The following PINX1 variants were observed in gnomAD, a reference collection of about 807,000 sequenced individuals.
The protein encoded by PINX1 is PIN2 (TERF1) interacting telomerase inhibitor 1, also known as PIN2/TERF1-interacting telomerase inhibitor 1.
In PINX1, 34 loss-of-function variants were observed where a neutral mutation model predicts 25.4. The observed-to-expected ratio is 1.34, with a 90% CI of 1.02 to 1.78. The LOEUF is 1.78. PINX1 is among the 40% of genes most tolerant of loss of function. The pLI is 0.00. For missense variants in PINX1, 592 were observed against 404.9 expected (o/e 1.46, Z -3.97); for synonymous variants, 197 against 147.7 (o/e 1.33, Z -2.42).
At chr8:10,826,927 G>A (rs1450260468) in intron 4 of PINX1, among the ~76,000 whole-genome samples, 1 of 152,216 alleles carries the variant, frequency 6.6e-6, no homozygotes, top group Non-Finnish European at 1.5e-5. Flanking sequence ...CATTGTGGTT[G>A]CTGCATGAAT....
chr8:10,800,869 C>A (rs913638270), intron 6 of PINX1, among the ~76,000 whole-genome samples: 1 of 152,196 alleles, frequency 6.6e-6, no homozygotes, highest in Non-Finnish European at 1.5e-5. Flanking sequence ...ACCACTTGAT[C>A]CAGGCGCTCA....
intron 6 of PINX1, among the ~76,000 whole-genome samples, chr8:10,804,348 G>A (rs1487489655): frequency 6.6e-6 from 1 of 152,188 alleles, no homozygotes; most frequent in Non-Finnish European, 1.5e-5. Context: ...AACGTGCTCA[G>A]GGGCCTGAAA....
intron 6 of PINX1, among the ~76,000 whole-genome samples, chr8:10,775,771 C>A (rs530895456): frequency 6.6e-6 from 1 of 152,164 alleles, no homozygotes; most frequent in Admixed American, 6.5e-5. Context: ...GACAAGTCAC[C>A]GGCCTTTCCA....
intron 6 of PINX1, among the ~76,000 whole-genome samples, chr8:10,785,048 CG>C (rs558253349): frequency 2.6e-4 from 40 of 152,216 alleles, no homozygotes; most frequent in Non-Finnish European, 4.6e-4. Flanking sequence ...ACATAAAGAG[CG>C]TATCATTTAA....
chr8:10,777,714 G>A (rs1416240696), intron 6 of PINX1, among the ~76,000 whole-genome samples: 1 of 152,192 alleles, frequency 6.6e-6, no homozygotes, highest in African/African-American at 2.4e-5. Flanking sequence ...TGGAACTGGA[G>A]CAACTAGGAG....
chr8:10,786,800 C>G (rs1452850631), intron 6 of PINX1, among the ~76,000 whole-genome samples: 1 of 152,208 alleles, frequency 6.6e-6, no homozygotes, highest in Non-Finnish European at 1.5e-5. Flanking sequence ...TTCTGCAGGC[C>G]AACTCCCAGG....
intron 6 of PINX1, among the ~76,000 whole-genome samples, chr8:10,794,064 A>G (rs1802007733): frequency 6.6e-6 from 1 of 152,226 alleles, no homozygotes; most frequent in Non-Finnish European, 1.5e-5. Context: ...ACTGTTTTAA[A>G]AAATGGACTT....
intron 6 of PINX1, among the ~76,000 whole-genome samples, chr8:10,796,146 G>C (rs1034466078): frequency 2.0e-5 from 3 of 152,126 alleles, no homozygotes; most frequent in African/African-American, 7.2e-5. Context: ...TGACTTAGAA[G>C]AGCACAGAGA....
intron 5 of PINX1, among the ~76,000 whole-genome samples, chr8:10,820,620 A>C (rs541855839): frequency 6.6e-6 from 1 of 152,194 alleles, no homozygotes; most frequent in Non-Finnish European, 1.5e-5. Flanking sequence ...TTCATTTAAA[A>C]ATAGATCTCA....
At chr8:10,796,137 G>A (rs1285062539) in intron 6 of PINX1, among the ~76,000 whole-genome samples, 1 of 152,168 alleles carries the variant, frequency 6.6e-6, no homozygotes, top group Non-Finnish European at 1.5e-5. Flanking sequence ...CGCAGATAAT[G>A]ACTTAGAAGA....
intron 1 of PINX1, 64 bp from the exon 2 acceptor site, chr8:10,834,839 T>G: frequency 9.1e-7 from 1 of 1,096,556 alleles, no homozygotes; most frequent in Non-Finnish European, 1.4e-6. Flanking sequence ...CACACAAACA[T>G]ACACATGCAC....
intron 6 of PINX1, among the ~76,000 whole-genome samples, chr8:10,814,931 C>G (rs2129084153): frequency 6.6e-6 from 1 of 152,194 alleles, no homozygotes; most frequent in Non-Finnish European, 1.5e-5. Context: ...CACAGTGAAG[C>G]AATTTCTTCT....
chr8:10,774,725 C>G (rs985019905), intron 6 of PINX1, among the ~76,000 whole-genome samples: 2 of 152,142 alleles, frequency 1.3e-5, no homozygotes, highest in African/African-American at 2.4e-5. Context: ...AAAAAAGTCT[C>G]GTCTTTCAAT....
chr8:10,797,734 T>C (rs949344222), intron 6 of PINX1, among the ~76,000 whole-genome samples: 4 of 152,174 alleles, frequency 2.6e-5, no homozygotes, highest in Non-Finnish European at 5.9e-5. Context: ...TTCATATAAT[T>C]TGAAGAGAAA....
At chr8:10,795,286 GC>G (rs1802051313) in intron 6 of PINX1, among the ~76,000 whole-genome samples, 1 of 152,210 alleles carries the variant, frequency 6.6e-6, no homozygotes, top group Non-Finnish European at 1.5e-5. Flanking sequence ...AGAGGGCTTG[GC>G]TTGCTCCCAG....
rs866946746 is a variant in PINX1, at chr8:10,772,362, G to A, written c.472-6446C>T. 2.0e-5 allele frequency among the ~76,000 whole-genome samples: 3 copies of A among 152,374 alleles called. No homozygotes were observed. The Middle Eastern group carries it at 0.01, about 518-fold the overall frequency. On this transcript the variant is annotated intron_variant, in intron 6 of 6. Coordinates refer to ENST00000314787, the MANE Select transcript of PINX1 (RefSeq NM_017884.6). ...AGGCTGAGCTAGGCAGTGATTCACG[G>A]CCGTTCGTTGGAAAGCCTGCCCTGA...
chr8:10,786,910 G>A (rs551243489), intron 6 of PINX1, among the ~76,000 whole-genome samples: 10 of 152,294 alleles, frequency 6.6e-5, no homozygotes, highest in South Asian at 2.1e-4. Flanking sequence ...TGGGGAGCAT[G>A]TCTATTCGAC....
chr8:10,820,336 C>G, intron 5 of PINX1, 67 bp from the exon 6 acceptor site: 1 of 1,064,982 alleles, frequency 9.4e-7, no homozygotes, highest in Non-Finnish European at 1.4e-6. Flanking sequence ...CAGACATGAA[C>G]TATGCAGCAC....
chr8:10,823,581 C>G (rs1797941818), intron 5 of PINX1, among the ~76,000 whole-genome samples: 1 of 151,744 alleles, frequency 6.6e-6, no homozygotes, highest in South Asian at 2.1e-4. Context: ...TATGATAAAA[C>G]TGACATTTAA....
Sources: allele counts gnomAD v4.1 joint callset (sites outside exome capture counted in the v4.1 genomes callset), GRCh38; gene constraint gnomAD v4.1.1; transcripts MANE v1.5; gene names NCBI Gene and HGNC (gene_info 2026-07-23, HGNC 2026-07-21).